The following CADPS variants were observed in gnomAD, a reference collection of about 807,000 sequenced individuals.
CADPS encodes the protein calcium dependent secretion activator, also known as calcium-dependent secretion activator 1.
CADPS carries 57 observed loss-of-function variants against 167.3 expected under a neutral mutation model. The ratio of observed to expected loss-of-function variants is 0.34; its 90% CI spans 0.28 to 0.42. CADPS has a LOEUF of 0.42. Among genes scored for constraint, CADPS ranks in the 20% least tolerant of loss-of-function variants. The pLI, the probability that CADPS is intolerant of heterozygous loss-of-function variation, is 1.00. For missense variants in CADPS, 1,414 were observed against 1,738.1 expected (o/e 0.81, Z 3.32); for synonymous variants, 676 against 635.3 (o/e 1.06, Z -0.96).
chr3:62,741,233 C>A (rs2080169434), intron 3 of CADPS, among the ~76,000 whole-genome samples: 1 of 152,052 alleles, frequency 6.6e-6, no homozygotes, highest in Admixed American at 6.6e-5. Flanking sequence ...GAAACTATTC[C>A]AAAAAATTGA....
intron 28 of CADPS, among the ~76,000 whole-genome samples, chr3:62,426,133 T>A (rs555605984): frequency 6.6e-6 from 1 of 152,092 alleles, no homozygotes; most frequent in African/African-American, 2.4e-5. Flanking sequence ...TAGGAAAGGG[T>A]GTGGGGTGTG....
At chr3:62,825,940 G>C (rs780178472) in intron 1 of CADPS, among the ~76,000 whole-genome samples, 1 of 152,118 alleles carries the variant, frequency 6.6e-6, no homozygotes, top group Non-Finnish European at 1.5e-5. Context: ...GGGGAGAAGC[G>C]AGGGTGACAA....
intron 3 of CADPS, among the ~76,000 whole-genome samples, chr3:62,745,274 T>A (rs1467489128): frequency 6.6e-6 from 1 of 152,120 alleles, no homozygotes; most frequent in Non-Finnish European, 1.5e-5. Flanking sequence ...CATTTCACCA[T>A]GTTGCCCAGC....
chr3:62,650,449 C>T (rs959314740), intron 5 of CADPS, among the ~76,000 whole-genome samples: 1 of 152,180 alleles, frequency 6.6e-6, no homozygotes, highest in Admixed American at 6.5e-5. Flanking sequence ...GGACTCTCTA[C>T]CTTGTAGCCA....
chr3:62,567,306 C>A (rs1022541743), intron 9 of CADPS, among the ~76,000 whole-genome samples: 19 of 152,232 alleles, frequency 1.2e-4, no homozygotes, highest in Admixed American at 9.8e-4. Context: ...TTCAGCACCA[C>A]CCAAGGTATT....
chr3:62,714,156 C>T (rs6768519), intron 3 of CADPS, among the ~76,000 whole-genome samples: 57,478 of 151,688 alleles, frequency 0.38, 12,474 homozygotes, highest in East Asian at 0.74. Context: ...AACAAGGTCA[C>T]AGCTAGTTGG....
At chr3:62,672,208 C>T (rs202155480) in intron 3 of CADPS, among the ~76,000 whole-genome samples, 2 of 152,096 alleles carry the variant, frequency 1.3e-5, no homozygotes, top group Non-Finnish European at 2.9e-5. Context: ...ACACAGAGTC[C>T]GGGCCTCACC....
chr3:62,570,890 C>G lies in CADPS; in HGVS notation c.1626G>C (p.Arg542Ser). The change falls in exon 9 of 30, where the codon AGG becomes AGC. Residue 542 changes from arginine (R) to serine (S), a missense_variant. Physicochemically the swap from Arg to Ser is moderately radical, Grantham distance 110 (BLOSUM62 -1). This residue lies in a region of CADPS where 157 missense variants were observed against 229.4 expected (regional missense o/e 0.68). Transcript: ENST00000383710. ...GKNVWKRWKK[R>S]FFVLVQVSQY... ...TAGTTACCTGCACCAATACAAAAAACCTTTTCTTCCATCTCTTCCAGACAT... is the reference window on the plus strand; with the variant it reads ...TAGTTACCTGCACCAATACAAAAAAGCTTTTCTTCCATCTCTTCCAGACAT... 6.2e-7 allele frequency: 1 copy of G among 1,610,526 alleles called. No homozygotes were observed. The highest frequency in any genetic ancestry group is 1.1e-5 in the South Asian group (1 of 91,020).
chr3:62,426,219 C>T (rs554278472), intron 28 of CADPS, among the ~76,000 whole-genome samples: 27 of 152,270 alleles, frequency 1.8e-4, no homozygotes, highest in African/African-American at 6.0e-4. Context: ...GGCACGATCT[C>T]GGCTTACTGC....
intron 3 of CADPS, among the ~76,000 whole-genome samples, chr3:62,670,338 G>A (rs763148149): frequency 6.6e-6 from 1 of 152,132 alleles, no homozygotes; most frequent in Non-Finnish European, 1.5e-5. Context: ...ATGGAGTTCG[G>A]TCTCCCATGC....
At chr3:62,428,760 C>G (rs2053305357) in intron 28 of CADPS, among the ~76,000 whole-genome samples, 1 of 152,118 alleles carries the variant, frequency 6.6e-6, no homozygotes, top group Non-Finnish European at 1.5e-5. Context: ...CTAGTTCGTG[C>G]AGATCAGTGG....
rs145369306 is a variant in CADPS at position 62,748,393 on chromosome 3, C to T, written c.888+5048G>A. On this transcript the variant is annotated intron_variant, in intron 3 of 29. Coordinates refer to ENST00000383710, the MANE Select transcript of CADPS (RefSeq NM_003716.4). ...AAAAAATTAAGATGTAGACCTTACTCCTTCTAAAATGCACATTTGAGGTAT... is the reference window on the plus strand; with the variant it reads ...AAAAAATTAAGATGTAGACCTTACTTCTTCTAAAATGCACATTTGAGGTAT... 3.8e-3 allele frequency among the ~76,000 whole-genome samples: 552 copies of T among 143,468 alleles called. 7 individuals are homozygous for T. Among genetic ancestry groups the T allele is most frequent in the African/African-American group, 0.013 (525 of 39,410 alleles). 94.1% of individuals were successfully genotyped at this position (143,468 alleles called of 152,430 possible). A position where few individuals can be genotyped will look rare whatever the true frequency, so the allele number is the denominator to read the frequency against.
At chr3:62,758,968 T>A (rs2084688691) in intron 2 of CADPS, among the ~76,000 whole-genome samples, 1 of 152,184 alleles carries the variant, frequency 6.6e-6, no homozygotes, top group South Asian at 2.1e-4. Flanking sequence ...TCATTCCTGT[T>A]CTGAAAAAGC....
At chr3:62,457,351 T>C (rs963581083) in intron 26 of CADPS, among the ~76,000 whole-genome samples, 2 of 152,168 alleles carry the variant, frequency 1.3e-5, no homozygotes, top group African/African-American at 4.8e-5. Context: ...GAAACCCCAG[T>C]GCACACTGAA....
At chr3:62,439,495 G>A (rs148638618) in intron 27 of CADPS, 1 of 152,266 alleles carries the variant, frequency 6.6e-6, no homozygotes, top group East Asian at 1.9e-4. Context: ...AATTTTCAGC[G>A]AATGGATTGA....
chr3:62,416,634 A>G (rs1479990921), intron 28 of CADPS, among the ~76,000 whole-genome samples: 2 of 152,202 alleles, frequency 1.3e-5, no homozygotes, highest in African/African-American at 4.8e-5. Flanking sequence ...TAAAAAGAAA[A>G]GAACATGTGT....
At chr3:62,784,734 T>C (rs1450293325) in intron 1 of CADPS, among the ~76,000 whole-genome samples, 1 of 136,194 alleles carries the variant, frequency 7.3e-6, no homozygotes, top group African/African-American at 2.8e-5. Context: ...TGATCTAGTA[T>C]CTTCAAGTAA....
chr3:62,593,615 G>A (rs1230657626), intron 6 of CADPS, among the ~76,000 whole-genome samples: 1 of 152,180 alleles, frequency 6.6e-6, no homozygotes, highest in East Asian at 1.9e-4. Context: ...CCTATGGACT[G>A]CCACTCATCT....
At chr3:62,633,999 G>A (rs959616480) in intron 6 of CADPS, among the ~76,000 whole-genome samples, 2 of 152,128 alleles carry the variant, frequency 1.3e-5, no homozygotes, top group Non-Finnish European at 2.9e-5. Flanking sequence ...TATTTACTTT[G>A]ACTTGAGGTT....
Sources: allele counts gnomAD v4.1 joint callset (sites outside exome capture counted in the v4.1 genomes callset), GRCh38; gene constraint gnomAD v4.1.1; regional missense constraint gnomAD v4.1.1; transcripts MANE v1.5; gene names NCBI Gene and HGNC (gene_info 2026-07-23, HGNC 2026-07-21).